The following RASAL2 variants were observed in gnomAD, a reference collection of about 807,000 sequenced individuals.
RASAL2 encodes the protein RAS protein activator like 2.
A neutral mutation model predicts 128.9 loss-of-function variants in RASAL2; 58 were observed. That is an observed-to-expected ratio of 0.45 (90% CI 0.36 to 0.56). The LOEUF is 0.56. Ranked by LOEUF, RASAL2 falls within the 20% of genes least tolerant of loss-of-function variation. The probability of loss-of-function intolerance (pLI) is 0.00; values close to 1 mark genes in which losing one functional copy is unlikely to be tolerated. For missense variants in RASAL2, 1,360 were observed against 1,601.6 expected, an observed-to-expected ratio of 0.85 and a Z score of 2.57; for synonymous variants, 561 against 580.8, an observed-to-expected ratio of 0.97 and a Z score of 0.49.
rs757945154 is a variant in RASAL2, at chr1:178,451,655, A to G, written c.1712A>G (p.His571Arg). The G allele has an allele frequency of 2.5e-6, 4 of 1,613,928 alleles. No homozygotes were observed. The highest frequency in any genetic ancestry group is 2.2e-5 in the East Asian group (1 of 44,868). The change falls in exon 10 of 18, where the codon CAT becomes CGT. Residue 571 changes from histidine (H) to arginine (R), a missense_variant. Around this residue, in one of 3 missense-constraint regions of RASAL2, gnomAD observed 617 missense variants for 714.2 expected, o/e 0.86. Coordinates refer to ENST00000367649, the MANE Select transcript of RASAL2 (RefSeq NM_170692.4). Reference sequence around the variant, plus strand: ...TGTTCATCTAGTGAACTGATAGACCATCAGAGCAACCTGAAAATGTGCTGT... The same window carrying G: ...TGTTCATCTAGTGAACTGATAGACCGTCAGAGCAACCTGAAAATGTGCTGT... ...SKCSSSELIDHQSNLKMCCEL... is the reference protein window; with the variant it reads ...SKCSSSELIDRQSNLKMCCEL...
chr1:178,290,018 C>T (rs2102236458), intron 2 of RASAL2, among the ~76,000 whole-genome samples: 1 of 152,334 alleles, frequency 6.6e-6, no homozygotes, highest in Non-Finnish European at 1.5e-5. Flanking sequence ...CTGCTCCCCA[C>T]ATCTGTATCC....
chr1:178,142,438 T>G (rs533171962), intron 1 of RASAL2, among the ~76,000 whole-genome samples: 1 of 152,266 alleles, frequency 6.6e-6, no homozygotes, highest in Non-Finnish European at 1.5e-5. Flanking sequence ...AGGTGATGTC[T>G]GCAACTAAGT....
Position 178,454,475 on chromosome 1 carries a change from T to C in RASAL2, c.2038T>C (p.Phe680Leu), listed in dbSNP as rs1309053742. 3 of 1,613,124 alleles carry C rather than the reference T, an allele frequency of 1.9e-6. No homozygotes were observed. The highest frequency in any genetic ancestry group is 1.7e-5 in the Admixed American group (1 of 60,016). Reference protein sequence around the residue: ...KFGNKEEYMAFMNDFLEHEWG... With the variant: ...KFGNKEEYMALMNDFLEHEWG... ...TGGTAACAAAGAGGAATACATGGCA[T>C]TCATGAATGATTTTTTAGAACATGA... Residue 680 changes from phenylalanine (F) to leucine (L), a missense_variant, in exon 12 of 18, where the codon TTC becomes CTC. Coordinates refer to ENST00000367649, the MANE Select transcript of RASAL2 (RefSeq NM_170692.4).
chr1:178,428,128 G>T (rs1675645378), intron 5 of RASAL2, among the ~76,000 whole-genome samples: 1 of 151,266 alleles, frequency 6.6e-6, no homozygotes, highest in Non-Finnish European at 1.5e-5. Context: ...TTCGGTTGCT[G>T]AGTAGTATTT....
intron 3 of RASAL2, among the ~76,000 whole-genome samples, chr1:178,370,656 C>T (rs1671652581): frequency 6.6e-6 from 1 of 152,122 alleles, no homozygotes; most frequent in African/African-American, 2.4e-5. Context: ...CATCTCCTGC[C>T]AGTGTTGAAC....
At chr1:178,117,211 A>G (rs1659549643) in intron 1 of RASAL2, among the ~76,000 whole-genome samples, 1 of 151,398 alleles carries the variant, frequency 6.6e-6, no homozygotes, top group Non-Finnish European at 1.5e-5. Context: ...CATTTGAGTA[A>G]TAAAGTAATT....
chr1:178,415,839 C>G (rs1674715998), intron 4 of RASAL2, among the ~76,000 whole-genome samples: 1 of 152,082 alleles, frequency 6.6e-6, no homozygotes, highest in African/African-American at 2.4e-5. Context: ...AGTTTTCTTG[C>G]TGTAATATCT....
intron 1 of RASAL2, among the ~76,000 whole-genome samples, chr1:178,114,862 C>T (rs1659470285): frequency 6.6e-6 from 1 of 152,118 alleles, no homozygotes; most frequent in Non-Finnish European, 1.5e-5. Flanking sequence ...TGGCATAAAC[C>T]TTATTTGGTC....
intron 3 of RASAL2, among the ~76,000 whole-genome samples, chr1:178,314,097 T>C (rs1396935265): frequency 2.0e-5 from 3 of 152,216 alleles, no homozygotes; most frequent in Admixed American, 1.3e-4. Context: ...TGATTGTTTA[T>C]ATTTCTGCCG....
chr1:178,383,308 G>C (rs1388887153), intron 3 of RASAL2, among the ~76,000 whole-genome samples: 1 of 152,156 alleles, frequency 6.6e-6, no homozygotes, highest in Non-Finnish European at 1.5e-5. Flanking sequence ...CTGGGGATTT[G>C]TATTTCAGAG....
rs1659296764 is a variant in RASAL2 at position 178,110,901 on chromosome 1, G to A, written c.202+16207G>A. ...TTGAGCCACTGCACCCGGCCATACTGTATTGTTTTTTAAAATTTGTATTCT... is the reference window on the plus strand; with the variant it reads ...TTGAGCCACTGCACCCGGCCATACTATATTGTTTTTTAAAATTTGTATTCT... On this transcript the variant is annotated intron_variant, in intron 1 of 17. Transcript: ENST00000367649. 3.3e-5 allele frequency among the ~76,000 whole-genome samples: 5 copies of A among 151,552 alleles called. No individual in the cohort carries two copies. In the South Asian group the frequency reaches 1.0e-3, roughly 31 times the overall value.
chr1:178,176,886 A>G (rs1448048875), intron 1 of RASAL2, among the ~76,000 whole-genome samples: 1 of 151,600 alleles, frequency 6.6e-6, no homozygotes, highest in Non-Finnish European at 1.5e-5. Flanking sequence ...TTGGCCTAAA[A>G]CTATCCTCCC....
Position 178,478,212 on chromosome 1 carries a change from A to G in RASAL2, c.*4973A>G, listed in dbSNP as rs1279736617. The G allele has an allele frequency of 1.3e-5, 2 of 151,912 alleles. No homozygotes were observed. The highest frequency in any genetic ancestry group is 3.9e-4 in the East Asian group (2 of 5,188). 9.4% of individuals were successfully genotyped at this position (151,912 alleles called of 1,614,324 possible). ...TATTTGTTGTTGTAGAGAGATTTCCACAGAAGTTGTGTTTTAGGGACCTCC... is the reference window on the plus strand; with the variant it reads ...TATTTGTTGTTGTAGAGAGATTTCCGCAGAAGTTGTGTTTTAGGGACCTCC... On this transcript the variant is annotated 3_prime_UTR_variant, in exon 18 of 18. Transcript: ENST00000367649.
intron 14 of RASAL2, among the ~76,000 whole-genome samples, chr1:178,459,803 T>C (rs1678047805): frequency 6.6e-6 from 1 of 152,236 alleles, no homozygotes; most frequent in African/African-American, 2.4e-5. Context: ...TTCTACAGTC[T>C]TAAATTTTTC....
chr1:178,454,536 C>T lies in RASAL2; in HGVS notation c.2099C>T (p.Ser700Phe). The change falls in exon 12 of 18, where the codon TCT becomes TTT. Residue 700 changes from serine to phenylalanine, a missense_variant. Transcript: ENST00000367649. ...ATGAAGCGCTTTCTTTTGGAGATCT[C>T]TAATCCAGACACCATCTCAAACACC... ...GGMKRFLLEISNPDTISNTPG... is the reference protein window; with the variant it reads ...GGMKRFLLEIFNPDTISNTPG... 1 of 1,613,728 alleles carries T rather than the reference C, an allele frequency of 6.2e-7. No homozygotes were observed. Among genetic ancestry groups the T allele is most frequent in the East Asian group, 2.2e-5 (1 of 44,868 alleles).
rs60835442 is a variant in RASAL2, at chr1:178,373,274, C to CTTTTTTTTTTTTTTTTTTTTTT, written c.458-16811_458-16810insTTTTTTTTTTTTTTTTTTTTTT. ...TCAATCTTAGCATTCTGTTTCTTTCCTTTTTTTTTTTTTTTGCAGTTTAGA... is the reference window on the plus strand; with the variant it reads ...TCAATCTTAGCATTCTGTTTCTTTCCTTTTTTTTTTTTTTTTTTTTTTTTTTTTTTTTTTTTTGCAGTTTAGA... On this transcript the variant is annotated intron_variant, in intron 3 of 17. Transcript: ENST00000367649. Among the ~76,000 whole-genome samples the CTTTTTTTTTTTTTTTTTTTTTT allele has an allele frequency of 7.5e-4, 45 of 60,038 alleles. 3 individuals are homozygous for CTTTTTTTTTTTTTTTTTTTTTT. The highest frequency in any genetic ancestry group is 1.0e-3 in the African/African-American group (14 of 13,462). 39.4% of individuals were successfully genotyped at this position (60,038 alleles called of 152,430 possible).
chr1:178,406,663 A>C (rs1422110881), intron 4 of RASAL2, among the ~76,000 whole-genome samples: 10 of 152,196 alleles, frequency 6.6e-5, no homozygotes, highest in Non-Finnish European at 1.5e-4. Flanking sequence ...GAAGGTAATA[A>C]AAATCTGACA....
chr1:178,241,961 C>T (rs1000138778), intron 1 of RASAL2, among the ~76,000 whole-genome samples: 1 of 152,200 alleles, frequency 6.6e-6, no homozygotes, highest in Non-Finnish European at 1.5e-5. Flanking sequence ...TTTGCTCATG[C>T]AGGGAGCACT....
At chr1:178,118,866 T>TTTG (rs1558063400) in intron 1 of RASAL2, among the ~76,000 whole-genome samples, 2 of 151,648 alleles carry the variant, frequency 1.3e-5, no homozygotes, top group Admixed American at 1.3e-4. Flanking sequence ...GTTTTTTTTT[T>TTTG]TTTGTTTGTT....
Sources: allele counts gnomAD v4.1 joint callset (sites outside exome capture counted in the v4.1 genomes callset), GRCh38; gene constraint gnomAD v4.1.1; regional missense constraint gnomAD v4.1.1; transcripts MANE v1.5; gene names NCBI Gene and HGNC (gene_info 2026-07-23, HGNC 2026-07-21).